The following TMEM132D variants were observed in gnomAD, a reference collection of about 807,000 sequenced individuals.
TMEM132D encodes the protein transmembrane protein 132D, also known as mature OL transmembrane protein.
Under a neutral mutation model 62.3 loss-of-function variants are expected in TMEM132D, and 21 were observed. That is an observed-to-expected ratio of 0.34 (90% CI 0.24 to 0.49). The LOEUF is 0.49. Among genes scored for constraint, TMEM132D ranks in the 20% least tolerant of loss-of-function variants. The probability of loss-of-function intolerance (pLI) is 0.99; values close to 1 mark genes in which losing one functional copy is unlikely to be tolerated. For missense variants in TMEM132D, 1,346 were observed against 1,402.8 expected (o/e 0.96, Z 0.65); for synonymous variants, 621 against 575.6 (o/e 1.08, Z -1.13).
rs530041813 is a variant in TMEM132D, at chr12:129,707,152, A to T, written c.80-6454T>A. Among the ~76,000 whole-genome samples, 6 of 147,398 alleles carry T rather than the reference A, an allele frequency of 4.1e-5. No individual in the cohort carries two copies. In the South Asian group the frequency reaches 8.5e-4, roughly 21 times the overall value. ...ATCAAAGAGGTGTTGCATTAGGAAA[A>T]ATATATATATATATAATATATACTA... On this transcript the variant is annotated intron_variant, in intron 1 of 8. Coordinates refer to ENST00000422113, the MANE Select transcript of TMEM132D (RefSeq NM_133448.3).
chr12:129,690,839 A>G (rs951495675), intron 2 of TMEM132D, among the ~76,000 whole-genome samples: 5 of 152,294 alleles, frequency 3.3e-5, no homozygotes, highest in African/African-American at 1.2e-4. Flanking sequence ...CTATCAATCA[A>G]CTTGATCTAA....
chr12:129,145,925 C>G (rs1262770910), intron 5 of TMEM132D, among the ~76,000 whole-genome samples: 1 of 152,110 alleles, frequency 6.6e-6, no homozygotes, highest in Non-Finnish European at 1.5e-5. Flanking sequence ...AAACTAAAAA[C>G]CATGGCTTCA....
At chr12:129,885,317 A>G (rs563200436) in intron 1 of TMEM132D, among the ~76,000 whole-genome samples, 2 of 152,344 alleles carry the variant, frequency 1.3e-5, no homozygotes, top group East Asian at 3.9e-4. Context: ...ATATCTTCTT[A>G]TGTGAGTCTA....
At chr12:129,880,634 G>A (rs11060600) in intron 1 of TMEM132D, among the ~76,000 whole-genome samples, 16,291 of 152,136 alleles carry the variant, frequency 0.11, 1,600 homozygotes, top group East Asian at 0.56. Context: ...TACACCACAC[G>A]CGAAGTAGTA....
chr12:129,541,411 G>T (rs1273504535), intron 2 of TMEM132D, among the ~76,000 whole-genome samples: 1 of 152,126 alleles, frequency 6.6e-6, no homozygotes, highest in Non-Finnish European at 1.5e-5. Flanking sequence ...TGGATTCATA[G>T]GAATCGTTAT....
At position 129,460,939 on chromosome 12, in the gene TMEM132D, G is replaced by C. The variant is rs150092866; in HGVS notation, c.1115+70120C>G. ...GCCAAAGTGCATCTGGGAAGCAAAT[G>C]TGTGACTGCACATCACTGGACATCA... On this transcript the variant is annotated intron_variant, in intron 3 of 8. Transcript: ENST00000422113. Among the ~76,000 whole-genome samples the C allele has an allele frequency of 3.9e-3, 601 of 152,276 alleles. 3 individuals are homozygous for C. Among genetic ancestry groups the C allele is most frequent in the African/African-American group, 0.014 (562 of 41,550 alleles).
intron 4 of TMEM132D, among the ~76,000 whole-genome samples, chr12:129,321,844 C>A (rs1868724175): frequency 6.6e-6 from 1 of 152,238 alleles, no homozygotes; most frequent in Non-Finnish European, 1.5e-5. Context: ...CAGGCGTGAG[C>A]CACTGCACCC....
intron 5 of TMEM132D, among the ~76,000 whole-genome samples, chr12:129,207,836 T>A (rs11060200): frequency 0.28 from 42,061 of 152,098 alleles, 6,020 homozygotes; most frequent in Middle Eastern, 0.37. Flanking sequence ...AATACATTCA[T>A]AAAATTTGTG....
chr12:129,897,122 T>C (rs1875166879), intron 1 of TMEM132D, among the ~76,000 whole-genome samples: 1 of 152,188 alleles, frequency 6.6e-6, no homozygotes, highest in African/African-American at 2.4e-5. Flanking sequence ...ATTTTTCTTT[T>C]AAATAAATGA....
At chr12:129,187,108 C>T (rs754910058) in intron 5 of TMEM132D, among the ~76,000 whole-genome samples, 3 of 152,206 alleles carry the variant, frequency 2.0e-5, no homozygotes, top group Non-Finnish European at 4.4e-5. Context: ...GGTTTCCCAG[C>T]CTCCTTTGCA....
chr12:129,101,888 T>C (rs1875320750), intron 5 of TMEM132D, among the ~76,000 whole-genome samples: 2 of 152,178 alleles, frequency 1.3e-5, no homozygotes, highest in Admixed American at 1.3e-4. Context: ...AACAATATTT[T>C]TGAAAATATA....
intron 3 of TMEM132D, among the ~76,000 whole-genome samples, chr12:129,481,957 G>A (rs1224792495): frequency 6.6e-6 from 1 of 152,226 alleles, no homozygotes; most frequent in Admixed American, 6.5e-5. Context: ...TAGCAAGCGG[G>A]AAGACTCAGA....
At chr12:129,610,371 C>A (rs946984210) in intron 2 of TMEM132D, among the ~76,000 whole-genome samples, 3 of 151,960 alleles carry the variant, frequency 2.0e-5, no homozygotes, top group African/African-American at 7.3e-5. Flanking sequence ...ATTCTTCTAT[C>A]TTAAACCCTG....
intron 1 of TMEM132D, among the ~76,000 whole-genome samples, chr12:129,750,535 A>T (rs1869966122): frequency 6.6e-6 from 1 of 152,220 alleles, no homozygotes; most frequent in African/African-American, 2.4e-5. Context: ...AACATTGCAG[A>T]ATTACAGTAT....
chr12:129,448,288 C>T (rs774114516), intron 3 of TMEM132D, among the ~76,000 whole-genome samples: 8 of 151,980 alleles, frequency 5.3e-5, no homozygotes, highest in African/African-American at 9.7e-5. Flanking sequence ...ACTCATGTCA[C>T]GGGGAGTTGT....
chr12:129,334,428 A>G (rs1029513941), intron 4 of TMEM132D, among the ~76,000 whole-genome samples: 1 of 152,198 alleles, frequency 6.6e-6, no homozygotes, highest in Non-Finnish European at 1.5e-5. Context: ...CGGCAACCAC[A>G]TCCCCTGCAT....
chr12:129,648,736 T>C (rs1270569549), intron 2 of TMEM132D, among the ~76,000 whole-genome samples: 1 of 152,248 alleles, frequency 6.6e-6, no homozygotes, highest in Non-Finnish European at 1.5e-5. Context: ...CAGTATTTTA[T>C]GAATACGCAT....
chr12:129,642,268 T>C (rs1879659457), intron 2 of TMEM132D, among the ~76,000 whole-genome samples: 1 of 152,228 alleles, frequency 6.6e-6, no homozygotes, highest in South Asian at 2.1e-4. Context: ...CTTTCTGTGG[T>C]TGCTAAAAAC....
chr12:129,868,890 G>T (rs1320641427), intron 1 of TMEM132D, among the ~76,000 whole-genome samples: 1 of 152,128 alleles, frequency 6.6e-6, no homozygotes, highest in East Asian at 1.9e-4. Flanking sequence ...AGGGCAAGAA[G>T]ACGGACATCC....
Sources: gnomAD v4.1 joint callset for allele counts (sites outside exome capture counted in the v4.1 genomes callset) on GRCh38, gnomAD v4.1.1 for gene constraint, MANE v1.5 for transcripts, NCBI Gene and HGNC (gene_info 2026-07-23, HGNC 2026-07-21) for gene names.